THSD7B: variants seen among roughly 807,000 people sequenced by gnomAD.
THSD7B encodes thrombospondin type-1 domain-containing protein 7B.
Under a neutral mutation model 213.6 loss-of-function variants are expected in THSD7B, and 138 were observed. The ratio of observed to expected loss-of-function variants is 0.65; its 90% CI spans 0.56 to 0.74. The LOEUF is 0.74. THSD7B is among the 30% of genes least tolerant of loss of function. THSD7B has a pLI of 0.00. For synonymous variants in THSD7B, 742 were observed against 687.0 expected, an observed-to-expected ratio of 1.08 and a Z score of -1.25; for missense variants, 1,931 against 1,991.5, an observed-to-expected ratio of 0.97 and a Z score of 0.58.
chr2:136,974,967 CAT>C (rs1260917093), intron 2 of THSD7B, among the ~76,000 whole-genome samples: 3 of 150,512 alleles, frequency 2.0e-5, no homozygotes, highest in East Asian at 1.9e-4. Context: ...GAGGTTTTTT[CAT>C]ATGTTTTTTG....
rs186698863 is a variant in THSD7B at position 137,408,448 on chromosome 2, A to G, written c.2695+2641A>G. On this transcript the variant is annotated intron_variant, in intron 13 of 27. Coordinates refer to ENST00000409968, the MANE Select transcript of THSD7B (RefSeq NM_001316349.2). Reference sequence around the variant, plus strand: ...GTGATGGCCTCAAGGGAATCAGTAGACACGATCCTAACTTAACAGAGCTTG... The same window carrying G: ...GTGATGGCCTCAAGGGAATCAGTAGGCACGATCCTAACTTAACAGAGCTTG... 2.3e-3 allele frequency among the ~76,000 whole-genome samples: 346 copies of G among 152,278 alleles called. 1 individual carries two copies. Among genetic ancestry groups the G allele is most frequent in the African/African-American group, 7.5e-3 (312 of 41,562 alleles).
At chr2:136,900,168 G>A (rs1336282663) in intron 2 of THSD7B, among the ~76,000 whole-genome samples, 3 of 152,200 alleles carry the variant, frequency 2.0e-5, no homozygotes, top group South Asian at 2.1e-4. Flanking sequence ...TGAGAATTGT[G>A]TATACCCTTA....
rs1184262323 is a variant in THSD7B at position 137,170,322 on chromosome 2, A to T, written c.1526-419A>T. On this transcript the variant is annotated intron_variant, in intron 6 of 27. Coordinates refer to ENST00000409968, the MANE Select transcript of THSD7B (RefSeq NM_001316349.2). ...TTGTGAATGGTCAGGCGCCATGGAGATGCCAGAGAGGTAATGTATTTTAAC... is the reference window on the plus strand; with the variant it reads ...TTGTGAATGGTCAGGCGCCATGGAGTTGCCAGAGAGGTAATGTATTTTAAC... Among the ~76,000 whole-genome samples the T allele has an allele frequency of 2.0e-5, 3 of 152,178 alleles. No individual in the cohort carries two copies. The East Asian group carries it at 5.8e-4, about 29-fold the overall frequency.
In THSD7B at chr2:137,011,646, G is replaced by A. The variant is rs973869662; in HGVS notation, c.140-44774G>A. The stretch of plus-strand genomic sequence containing the variant: ...CCAACTCTGGTGCACTGTGTCTCCA[G>A]CAGGTGCTTCTGCTGGACTCACTGG... On this transcript the variant is annotated intron_variant, in intron 2 of 27. Transcript: ENST00000409968. Among the ~76,000 whole-genome samples, 14 of 152,282 alleles carry A rather than the reference G, an allele frequency of 9.2e-5. No homozygotes were observed. The East Asian group carries it at 2.1e-3, about 23-fold the overall frequency.
intron 3 of THSD7B, among the ~76,000 whole-genome samples, chr2:137,090,195 AATT>A (rs1355873538): frequency 3.3e-5 from 5 of 152,066 alleles, no homozygotes; most frequent in African/African-American, 7.2e-5. Flanking sequence ...TATACTTATT[AATT>A]ATTATGTTTT....
At chr2:137,327,646 C>A (rs1684402690) in intron 12 of THSD7B, among the ~76,000 whole-genome samples, 1 of 152,064 alleles carries the variant, frequency 6.6e-6, no homozygotes, top group Non-Finnish European at 1.5e-5. Context: ...ATAGATAAAT[C>A]AATACAAGGA....
At chr2:137,361,598 G>A (rs537272500) in intron 12 of THSD7B, among the ~76,000 whole-genome samples, 3 of 152,288 alleles carry the variant, frequency 2.0e-5, no homozygotes, top group East Asian at 1.9e-4. Flanking sequence ...ACAAGCTTCA[G>A]TAGCTGATTT....
At chr2:137,281,754 T>C in intron 12 of THSD7B, among the ~76,000 whole-genome samples, 1 of 152,162 alleles carries the variant, frequency 6.6e-6, no homozygotes, top group Non-Finnish European at 1.5e-5. Flanking sequence ...TATGGCTGCA[T>C]AGTATTCCAT....
chr2:137,032,783 G>A lies in THSD7B; in HGVS notation c.140-23637G>A, dbSNP rs534940793. Reference sequence around the variant, plus strand: ...TTGGAGTCATTTAATCATTTATAATGCATAAAAGTATCATGTAATATGTTT... The same window carrying A: ...TTGGAGTCATTTAATCATTTATAATACATAAAAGTATCATGTAATATGTTT... On this transcript the variant is annotated intron_variant, in intron 2 of 27. Transcript: ENST00000409968. 1.8e-4 allele frequency among the ~76,000 whole-genome samples: 27 copies of A among 152,242 alleles called. No individual in the cohort carries two copies. The South Asian group carries it at 5.6e-3, about 32-fold the overall frequency.
chr2:137,030,799 T>A (rs999906888), intron 2 of THSD7B, among the ~76,000 whole-genome samples: 1 of 152,056 alleles, frequency 6.6e-6, no homozygotes, highest in Non-Finnish European at 1.5e-5. Context: ...GGATGAGGGA[T>A]GAAAAACTAC....
At chr2:137,072,610 A>G (rs1054422354) in intron 3 of THSD7B, among the ~76,000 whole-genome samples, 9 of 152,008 alleles carry the variant, frequency 5.9e-5, no homozygotes, top group South Asian at 2.1e-4. Context: ...TCTCCTGCCT[A>G]ATTGCCCTGG....
At chr2:137,534,792 A>G (rs1680471053) in intron 15 of THSD7B, among the ~76,000 whole-genome samples, 1 of 151,806 alleles carries the variant, frequency 6.6e-6, no homozygotes, top group Non-Finnish European at 1.5e-5. Flanking sequence ...CACATTAGAT[A>G]TCTCTCATAT....
chr2:137,531,771 T>G (rs1229181517), intron 15 of THSD7B, among the ~76,000 whole-genome samples: 2 of 151,946 alleles, frequency 1.3e-5, no homozygotes, highest in African/African-American at 4.8e-5. Flanking sequence ...CCCTTAATGC[T>G]CATGTGCTTT....
At chr2:136,873,382 G>A (rs2104983517) in intron 1 of THSD7B, among the ~76,000 whole-genome samples, 1 of 152,306 alleles carries the variant, frequency 6.6e-6, no homozygotes, top group African/African-American at 2.4e-5. Context: ...GGTCTGCAGA[G>A]TGAGGTGCAG....
Position 137,529,923 on chromosome 2 carries a change from G to A in THSD7B, c.3139-33298G>A, listed in dbSNP as rs147087841. ...ATTAACATTAAAAGGGAGAGAAAAT[G>A]CCTTTTAAGTAGCATGTGGGAAAAA... On this transcript the variant is annotated intron_variant, in intron 15 of 27. Coordinates refer to ENST00000409968, the MANE Select transcript of THSD7B (RefSeq NM_001316349.2). Among the ~76,000 whole-genome samples the A allele has an allele frequency of 6.0e-4, 92 of 152,082 alleles. 2 individuals are homozygous for A. Among genetic ancestry groups the A allele is most frequent in the African/African-American group, 2.0e-3 (83 of 41,516 alleles).
At chr2:137,612,830 T>C (rs2104834778) in intron 17 of THSD7B, among the ~76,000 whole-genome samples, 1 of 152,294 alleles carries the variant, frequency 6.6e-6, no homozygotes, top group Non-Finnish European at 1.5e-5. Flanking sequence ...TTGTTTTAAC[T>C]TCTTCAAAAT....
chr2:137,381,926 G>A (rs959077123), intron 12 of THSD7B, among the ~76,000 whole-genome samples: 2 of 152,154 alleles, frequency 1.3e-5, no homozygotes, highest in African/African-American at 4.8e-5. Flanking sequence ...CTGGACGACT[G>A]GAGGCCACAT....
intron 1 of THSD7B, among the ~76,000 whole-genome samples, chr2:136,770,268 A>G (rs1412549776): frequency 2.0e-5 from 3 of 152,176 alleles, no homozygotes. Context: ...GCATACATGA[A>G]AGATTTTAAT....
intron 2 of THSD7B, among the ~76,000 whole-genome samples, chr2:136,971,076 G>T (rs1442607153): frequency 6.6e-6 from 1 of 152,030 alleles, no homozygotes; most frequent in East Asian, 1.9e-4. Flanking sequence ...CCTAAATAAA[G>T]AGAAATACAT....
Sources: gnomAD v4.1 joint callset for allele counts (sites outside exome capture counted in the v4.1 genomes callset) on GRCh38, gnomAD v4.1.1 for gene constraint, MANE v1.5 for transcripts, NCBI Gene and HGNC (gene_info 2026-07-23, HGNC 2026-07-21) for gene names.